Variants in EMILIN2 observed in about 807,000 individuals in gnomAD.
EMILIN2 encodes EMILIN-2.
A neutral mutation model predicts 87.1 loss-of-function variants in EMILIN2; 71 were observed. The observed-to-expected ratio is 0.82, with a 90% CI of 0.67 to 0.99. The LOEUF (loss-of-function observed/expected upper bound fraction) is 0.99, where lower values mean the gene tolerates loss of function less well. Among genes scored for constraint, EMILIN2 ranks in the 50% least tolerant of loss-of-function variants. The pLI, the probability that EMILIN2 is intolerant of heterozygous loss-of-function variation, is 0.00. For synonymous variants in EMILIN2, 581 were observed against 563.4 expected, an observed-to-expected ratio of 1.03 and a Z score of -0.44; for missense variants, 1,407 against 1,371.8, an observed-to-expected ratio of 1.03 and a Z score of -0.40.
intron 4 of EMILIN2, among the ~76,000 whole-genome samples, chr18:2,897,864 TAAA>T (rs35471855): frequency 7.2e-6 from 1 of 139,140 alleles, no homozygotes; most frequent in Non-Finnish European, 1.6e-5. Flanking sequence ...CCTGTCTCTT[TAAA>T]AAAAAAAAAA....
chr18:2,860,769 G>C (rs2143968277), intron 2 of EMILIN2, among the ~76,000 whole-genome samples: 1 of 152,216 alleles, frequency 6.6e-6, no homozygotes, highest in Non-Finnish European at 1.5e-5. Flanking sequence ...GGGATGGCTG[G>C]GTCAAATGGT....
Position 2,847,262 on chromosome 18 carries a change from CG to C in EMILIN2, c.78del (p.Leu27CysfsTer26), listed in dbSNP as rs1440930070. The C allele has an allele frequency of 7.6e-7, 1 of 1,309,492 alleles. No homozygotes were observed. The allele number at this position is 1,309,492 out of a possible 1,614,324, so 81.1% of individuals were successfully genotyped here. A position where few individuals can be genotyped will look rare whatever the true frequency, so the allele number is the denominator to read the frequency against. ...WALALLALVGAGLCHAGPQPG... is the reference protein window; with the variant it reads ...WALALLALVGXGLCHAGPQPG... ...CTGGCGCTGCTGGCCCTGGTTGGCG[CG>C]GGGCTGTGCCACGCCGGCCCGCAGC... is the stretch of plus-strand genomic sequence containing the variant. On this transcript the variant is annotated frameshift_variant, in exon 1 of 8. Coordinates refer to ENST00000254528, the MANE Select transcript of EMILIN2 (RefSeq NM_032048.3). LOFTEE classifies it high-confidence loss of function. This position sits in a 1 kb window ranked among gnomAD's most constrained non-coding sequence, Gnocchi z 4.5.
chr18:2,859,945 C>T (rs1482893651), intron 2 of EMILIN2, among the ~76,000 whole-genome samples: 2 of 152,174 alleles, frequency 1.3e-5, no homozygotes, highest in African/African-American at 4.8e-5. Context: ...ATTTTTATAC[C>T]AGTACCATGC....
At chr18:2,900,518 G>T (rs940706272) in intron 4 of EMILIN2, among the ~76,000 whole-genome samples, 1 of 152,198 alleles carries the variant, frequency 6.6e-6, no homozygotes, top group Non-Finnish European at 1.5e-5. Flanking sequence ...ACATCGACTT[G>T]GAGTAGAACT....
intron 4 of EMILIN2, among the ~76,000 whole-genome samples, chr18:2,906,040 C>CA: frequency 6.6e-6 from 1 of 152,280 alleles, no homozygotes; most frequent in Middle Eastern, 3.4e-3. Context: ...GCATCGTGGG[C>CA]ACCAGGCTGA....
intron 2 of EMILIN2, among the ~76,000 whole-genome samples, chr18:2,884,019 G>C (rs9957345): frequency 3.3e-5 from 5 of 151,972 alleles, no homozygotes; most frequent in African/African-American, 1.2e-4. Flanking sequence ...GCAGTGGCGC[G>C]ATCTCGGCTC....
intron 4 of EMILIN2, among the ~76,000 whole-genome samples, chr18:2,895,979 T>C (rs2076861570): frequency 6.6e-6 from 1 of 152,198 alleles, no homozygotes; most frequent in Non-Finnish European, 1.5e-5. Context: ...ACTCAGCCTG[T>C]TGCCCTCTTC....
At chr18:2,879,991 G>A (rs944098955) in intron 2 of EMILIN2, among the ~76,000 whole-genome samples, 5 of 152,176 alleles carry the variant, frequency 3.3e-5, no homozygotes, top group Non-Finnish European at 5.9e-5. Context: ...GCAGGCATGA[G>A]CCACTGTGCC....
intron 2 of EMILIN2, among the ~76,000 whole-genome samples, chr18:2,858,901 G>A (rs189984895): frequency 6.6e-6 from 1 of 152,146 alleles, no homozygotes; most frequent in Non-Finnish European, 1.5e-5. Flanking sequence ...CTCCCAAAGT[G>A]CTGGGATTAC....
At chr18:2,869,768 CTGTGTGTGTGTGTGTGTTTG>C (rs1354376524) in intron 2 of EMILIN2, among the ~76,000 whole-genome samples, 45 of 143,988 alleles carry the variant, frequency 3.1e-4, no homozygotes, top group Admixed American at 8.0e-4. Context: ...ATAGATTCCT[CTGTGTGTGTGTGTGTGTTTG>C]TGTGTGTGTG....
At chr18:2,856,750 T>G (rs1039773894) in intron 2 of EMILIN2, among the ~76,000 whole-genome samples, 1 of 152,224 alleles carries the variant, frequency 6.6e-6, no homozygotes, top group South Asian at 2.1e-4. Context: ...CCATCCTTGA[T>G]GAAGTAGTTT....
At position 2,847,486 on chromosome 18, in the gene EMILIN2, GCCTCAGGCAGAGCTGACT is replaced by G. The variant is rs1227853647; in HGVS notation, c.134+167_134+184del. ...GGGGACCGCGCGCTCCGCAGCCGGCGCCTCAGGCAGAGCTGACTCCGGGGGCGTGGGCGCAGAGAGCGT... is the reference window on the plus strand; with the variant it reads ...GGGGACCGCGCGCTCCGCAGCCGGCGCCGGGGGCGTGGGCGCAGAGAGCGT... On this transcript the variant is annotated intron_variant, in intron 1 of 7. Coordinates refer to ENST00000254528, the MANE Select transcript of EMILIN2 (RefSeq NM_032048.3). The surrounding 1 kb of genome is among the most constrained non-coding windows in gnomAD (Gnocchi z 4.5). 5.3e-5 allele frequency among the ~76,000 whole-genome samples: 8 copies of G among 152,184 alleles called. No individual in the cohort carries two copies. Among genetic ancestry groups the G allele is most frequent in the Non-Finnish European group, 1.2e-4 (8 of 68,018 alleles).
rs3745013 is a variant in EMILIN2 at position 2,915,221 on chromosome 18, A to G, written c.*1817A>G. 54,195 of 152,168 alleles carry G rather than the reference A, an allele frequency of 0.36. 9,938 individuals are homozygous for G. Among genetic ancestry groups the G allele is most frequent in the East Asian group, 0.54 (2,789 of 5,180 alleles). 9.4% of individuals were successfully genotyped at this position (152,168 alleles called of 1,614,324 possible). The stretch of plus-strand genomic sequence containing the variant: ...TCTCAGTGCATCTCTACTCACCAAC[A>G]ATGGTGAATCTCAGCTCTGTGTATT... On this transcript the variant is annotated 3_prime_UTR_variant, in exon 8 of 8. Transcript: ENST00000254528.
intron 2 of EMILIN2, among the ~76,000 whole-genome samples, chr18:2,854,039 C>A (rs897719042): frequency 9.9e-5 from 15 of 152,142 alleles, no homozygotes; most frequent in African/African-American, 3.4e-4. Context: ...CCACAGATAG[C>A]CTGCATTGTT....
intron 4 of EMILIN2, chr18:2,906,433 C>A (rs1259184970): frequency 5.3e-6 from 1 of 190,198 alleles, no homozygotes; most frequent in East Asian, 1.2e-4. Flanking sequence ...GCCTCAGGTC[C>A]CTTTCAGTCA....
rs956694315 is a variant in EMILIN2, at chr18:2,847,830, G to A, written c.156G>A (p.Val52=). 1.2e-6 allele frequency: 2 copies of A among 1,613,372 alleles called. No individual in the cohort carries two copies. The highest frequency in any genetic ancestry group is 2.7e-5 in the African/African-American group (2 of 74,936). ...CCAGGAACTGGTGCGCCTACATCGTGAACAAGAATGTGAGCTGCTCCGTGC... is the reference window on the plus strand; with the variant it reads ...CCAGGAACTGGTGCGCCTACATCGTAAACAAGAATGTGAGCTGCTCCGTGC... ...ARNKNWCAYI[V]NKNVSCSVLE... is the part of the protein sequence containing the mutation. Residue 52 remains valine, a synonymous_variant, in exon 2 of 8, where the codon GTG becomes GTA. Coordinates refer to ENST00000254528, the MANE Select transcript of EMILIN2 (RefSeq NM_032048.3). The surrounding 1 kb of genome is among the most constrained non-coding windows in gnomAD (Gnocchi z 4.5).
intron 2 of EMILIN2, among the ~76,000 whole-genome samples, chr18:2,873,903 C>T (rs905307518): frequency 7.9e-5 from 12 of 152,074 alleles, no homozygotes; most frequent in African/African-American, 2.2e-4. Context: ...CTAAGTTCTG[C>T]GCTAGCTCTC....
chr18:2,855,429 G>A (rs1257289459), intron 2 of EMILIN2, among the ~76,000 whole-genome samples: 3 of 152,228 alleles, frequency 2.0e-5, no homozygotes, highest in Non-Finnish European at 4.4e-5. Flanking sequence ...TTACACAACA[G>A]TGAATAGCAT....
rs751793839 is a variant in EMILIN2, at chr18:2,891,840, G to A, written c.1713G>A (p.Arg571=). ...GGATGGAAGGTGCCTTGCCAAACAG[G>A]GAAGACCGCGCAGTACGCGACAGCC... ...PHGMEGALPN[R]EDRAVRDSLH... Residue 571 remains arginine (R), a synonymous_variant, in exon 4 of 8, where the codon AGG becomes AGA. Transcript: ENST00000254528. This position sits in a 1 kb window ranked among gnomAD's most constrained non-coding sequence, Gnocchi z 4.6. The A allele has an allele frequency of 2.5e-6, 4 of 1,614,070 alleles. No individual in the cohort carries two copies. Among genetic ancestry groups the A allele is most frequent in the Non-Finnish European group, 3.4e-6 (4 of 1,180,034 alleles).
Sources: allele counts gnomAD v4.1 joint callset (sites outside exome capture counted in the v4.1 genomes callset), GRCh38; gene constraint gnomAD v4.1.1; non-coding constraint Gnocchi (gnomAD v3.1); transcripts MANE v1.5; gene names NCBI Gene and HGNC (gene_info 2026-07-23, HGNC 2026-07-21).